The following STARD13 variants were observed in gnomAD, a reference collection of about 807,000 sequenced individuals.
The protein encoded by STARD13 is StAR related lipid transfer domain containing 13.
A neutral mutation model predicts 106.4 loss-of-function variants in STARD13; 62 were observed. The ratio of observed to expected loss-of-function variants is 0.58; its 90% CI spans 0.48 to 0.72. STARD13 has a LOEUF of 0.72. Ranked by LOEUF, STARD13 falls within the 30% of genes least tolerant of loss-of-function variation. STARD13 has a pLI of 0.00. For missense variants in STARD13, 1,387 were observed against 1,424.0 expected (o/e 0.97, Z 0.42); for synonymous variants, 565 against 553.0 (o/e 1.02, Z -0.31).
the STARD13 span, among the ~76,000 whole-genome samples, chr13:33,670,932 T>C: frequency 6.6e-6 from 1 of 152,234 alleles, no homozygotes; most frequent in Non-Finnish European, 1.5e-5. Context: ...TTGTTTCCCG[T>C]TAATTTGCCC....
chr13:33,519,309 TTC>T, the STARD13 span, among the ~76,000 whole-genome samples: 70,263 of 137,914 alleles, frequency 0.51, 19,462 homozygotes, highest in African/African-American at 0.71. Context: ...CTCTCTTTCT[TTC>T]TCTCTCTCTC....
chr13:33,410,512 A>T, the STARD13 span, among the ~76,000 whole-genome samples: 1 of 152,268 alleles, frequency 6.6e-6, no homozygotes, highest in African/African-American at 2.4e-5. Context: ...CATTTTGGGT[A>T]ACAAAGAAGT....
chr13:33,420,127 A>G, the STARD13 span, among the ~76,000 whole-genome samples: 23,742 of 152,138 alleles, frequency 0.16, 4,432 homozygotes, highest in African/African-American at 0.44. Flanking sequence ...ATGTAAATGG[A>G]CTAACTGCCC....
chr13:33,277,207 C>A (rs550302808), intron 1 of STARD13: 17 of 152,170 alleles, frequency 1.1e-4, no homozygotes, highest in African/African-American at 4.1e-4. Context: ...ATGGTAATTC[C>A]CTATGCATTC....
At chr13:33,135,357 A>C (rs1283710654) in intron 4 of STARD13, among the ~76,000 whole-genome samples, 1 of 152,222 alleles carries the variant, frequency 6.6e-6, no homozygotes, top group African/African-American at 2.4e-5. Context: ...CTTACTGAAC[A>C]GGGTAAAGAC....
intron 1 of STARD13, among the ~76,000 whole-genome samples, chr13:33,222,363 A>G (rs1002960875): frequency 6.6e-6 from 1 of 152,186 alleles, no homozygotes; most frequent in African/African-American, 2.4e-5. Context: ...TTGCAAGGTG[A>G]AAAAAGATCT....
At chr13:33,651,401 A>C in the STARD13 span, among the ~76,000 whole-genome samples, 1 of 152,188 alleles carries the variant, frequency 6.6e-6, no homozygotes, top group African/African-American at 2.4e-5. Flanking sequence ...TGTGTTCATA[A>C]ACTAGCGTGA....
chr13:33,570,682 T>TC, the STARD13 span, among the ~76,000 whole-genome samples: 2 of 120,912 alleles, frequency 1.7e-5, no homozygotes, highest in African/African-American at 2.9e-5. Flanking sequence ...GTTTGCTCAT[T>TC]TCGGAAGAAA....
At chr13:33,536,693 T>C in the STARD13 span, among the ~76,000 whole-genome samples, 4 of 152,212 alleles carry the variant, frequency 2.6e-5, no homozygotes, top group African/African-American at 9.6e-5. Flanking sequence ...ATACCTCTTT[T>C]AACGAACACT....
the STARD13 span, among the ~76,000 whole-genome samples, chr13:33,392,416 T>C: frequency 6.6e-6 from 1 of 152,168 alleles, no homozygotes; most frequent in African/African-American, 2.4e-5. Context: ...CTTCTTTTTT[T>C]TGAAACAGAG....
At chr13:33,324,590 T>C (rs931483512) in intron 1 of STARD13, among the ~76,000 whole-genome samples, 1 of 152,230 alleles carries the variant, frequency 6.6e-6, no homozygotes, top group African/African-American at 2.4e-5. Context: ...AAAATACTCA[T>C]GTAAATTATT....
the STARD13 span, among the ~76,000 whole-genome samples, chr13:33,643,960 T>C: frequency 1.3e-5 from 2 of 152,250 alleles, no homozygotes; most frequent in African/African-American, 4.8e-5. Context: ...GATATCTGGC[T>C]GCTCCTCCAG....
the STARD13 span, among the ~76,000 whole-genome samples, chr13:33,600,544 G>T: frequency 1.3e-5 from 2 of 152,144 alleles, no homozygotes; most frequent in African/African-American, 4.8e-5. Context: ...TACATAGAAA[G>T]AAAGCAAATG....
the STARD13 span, among the ~76,000 whole-genome samples, chr13:33,459,131 G>T: frequency 1.3e-5 from 2 of 152,050 alleles, no homozygotes; most frequent in African/African-American, 2.4e-5. Context: ...CATAGATATA[G>T]TGTACAATTT....
chr13:33,210,560 C>A (rs1159679213), intron 1 of STARD13, among the ~76,000 whole-genome samples: 1 of 152,180 alleles, frequency 6.6e-6, no homozygotes, highest in Non-Finnish European at 1.5e-5. Context: ...TTAGCATAAG[C>A]ATTCAATACA....
chr13:33,516,599 T>C, the STARD13 span, among the ~76,000 whole-genome samples: 10 of 152,090 alleles, frequency 6.6e-5, no homozygotes, highest in African/African-American at 2.4e-4. Context: ...TTTTTATTGG[T>C]TAAACAATAA....
chr13:33,534,292 C>T, the STARD13 span, among the ~76,000 whole-genome samples: 2 of 152,164 alleles, frequency 1.3e-5, no homozygotes, highest in Non-Finnish European at 2.9e-5. Context: ...AGAGTATCTT[C>T]TTTGGAATGG....
chr13:33,373,239 AC>A, the STARD13 span, among the ~76,000 whole-genome samples: 1 of 152,102 alleles, frequency 6.6e-6, no homozygotes, highest in Non-Finnish European at 1.5e-5. Context: ...TCCTTTGTGC[AC>A]CCCAAACAGA....
At chr13:33,271,806 T>C (rs1206913260) in intron 1 of STARD13, among the ~76,000 whole-genome samples, 1 of 150,794 alleles carries the variant, frequency 6.6e-6, no homozygotes, top group Non-Finnish European at 1.5e-5. Flanking sequence ...TCTATAATGA[T>C]GGGAAAAAAA....
Sources: allele counts gnomAD v4.1 joint callset (sites outside exome capture counted in the v4.1 genomes callset), GRCh38; gene constraint gnomAD v4.1.1; transcripts MANE v1.5; gene names NCBI Gene and HGNC (gene_info 2026-07-23, HGNC 2026-07-21).